The following NCKAP5 variants were observed in gnomAD, a reference collection of about 807,000 sequenced individuals.
NCKAP5 encodes the protein nck-associated protein 5.
NCKAP5 carries 92 observed loss-of-function variants against 167.0 expected under a neutral mutation model. That is an observed-to-expected ratio of 0.55 (90% CI 0.47 to 0.66). NCKAP5 has a LOEUF of 0.66. NCKAP5 is among the 30% of genes least tolerant of loss of function. The pLI is 0.00. For synonymous variants in NCKAP5, 891 were observed against 877.4 expected, an observed-to-expected ratio of 1.02 and a Z score of -0.27; for missense variants, 2,378 against 2,315.0, an observed-to-expected ratio of 1.03 and a Z score of -0.56.
intron 8 of NCKAP5, chr2:132,911,321 C>G (rs936622679): frequency 1.3e-5 from 2 of 152,626 alleles, no homozygotes; most frequent in African/African-American, 4.8e-5. Flanking sequence ...TCCTGATGCT[C>G]TAGCTCAGCC....
intron 6 of NCKAP5, among the ~76,000 whole-genome samples, chr2:133,090,081 C>T (rs2149630245): frequency 6.6e-6 from 1 of 152,036 alleles, no homozygotes; most frequent in South Asian, 2.1e-4. Flanking sequence ...ACATATCTAA[C>T]TCCAGGCCAG....
In NCKAP5 at chr2:133,524,489, G is replaced by C. The variant is rs547776953; in HGVS notation, c.-61-6902C>G. Among the ~76,000 whole-genome samples, 128 of 152,238 alleles carry C rather than the reference G, an allele frequency of 8.4e-4. 1 individual carries two copies. The highest frequency in any genetic ancestry group is 2.9e-3 in the African/African-American group (120 of 41,534). Reference sequence around the variant, plus strand: ...TAGAAATATTAAATCTAGATTCCAAGTTAATGTACGTATATCATAAAACCT... The same window carrying C: ...TAGAAATATTAAATCTAGATTCCAACTTAATGTACGTATATCATAAAACCT... On this transcript the variant is annotated intron_variant, in intron 2 of 19. Coordinates refer to ENST00000409261, the MANE Select transcript of NCKAP5 (RefSeq NM_207363.3).
At chr2:133,025,474 C>T (rs1250612282) in intron 6 of NCKAP5, among the ~76,000 whole-genome samples, 3 of 152,068 alleles carry the variant, frequency 2.0e-5, no homozygotes, top group Admixed American at 6.5e-5. Flanking sequence ...AAAGTATTAC[C>T]GCTTATTTCT....
chr2:133,366,041 G>A (rs1430759150), intron 3 of NCKAP5, among the ~76,000 whole-genome samples: 1 of 152,118 alleles, frequency 6.6e-6, no homozygotes, highest in African/African-American at 2.4e-5. Context: ...CATTTAAAAT[G>A]CACATTAAAA....
intron 8 of NCKAP5, among the ~76,000 whole-genome samples, chr2:132,928,448 CTCTA>C (rs1204796344): frequency 2.6e-5 from 4 of 152,124 alleles, no homozygotes; most frequent in Non-Finnish European, 4.4e-5. Flanking sequence ...CTGTGAAAAA[CTCTA>C]TCTCTTCTTT....
rs145567287 is a variant in NCKAP5 at position 132,719,907 on chromosome 2, T to C, written c.5713+5720A>G. On this transcript the variant is annotated intron_variant, in intron 19 of 19. Transcript: ENST00000409261. The stretch of plus-strand genomic sequence containing the variant: ...CTAGAGGAAAAAAGAGAGGTTTCCA[T>C]TTGGATGTTTCCTCTTGGGGTGTCT... Among the ~76,000 whole-genome samples the C allele has an allele frequency of 6.3e-3, 962 of 152,324 alleles. 12 individuals are homozygous for C. Among genetic ancestry groups the C allele is most frequent in the African/African-American group, 0.022 (897 of 41,562 alleles).
chr2:132,968,868 GA>G (rs2076743501), intron 7 of NCKAP5, among the ~76,000 whole-genome samples: 1 of 151,972 alleles, frequency 6.6e-6, no homozygotes, highest in Admixed American at 6.6e-5. Context: ...TTTCAAGATA[GA>G]AAAAAATGAG....
At chr2:133,374,759 AC>A (rs1393208477) in intron 3 of NCKAP5, among the ~76,000 whole-genome samples, 1 of 152,172 alleles carries the variant, frequency 6.6e-6, no homozygotes, top group African/African-American at 2.4e-5. Context: ...CAAACAGAAA[AC>A]AAGCAAAAAC....
At position 132,963,883 on chromosome 2, in the gene NCKAP5, G is replaced by A; in HGVS notation, c.430-14C>T. 1 of 1,612,900 alleles carries A rather than the reference G, an allele frequency of 6.2e-7. No homozygotes were observed. On this transcript the variant is annotated splice_polypyrimidine_tract_variant and intron_variant, in intron 7 of 19. Coordinates refer to ENST00000409261, the MANE Select transcript of NCKAP5 (RefSeq NM_207363.3). ...TGACAGCTTTTCCTGAAGCAAGAAAGAATTACTGTTTTCAATAATCTCCAG... is the reference window on the plus strand; with the variant it reads ...TGACAGCTTTTCCTGAAGCAAGAAAAAATTACTGTTTTCAATAATCTCCAG...
intron 8 of NCKAP5, among the ~76,000 whole-genome samples, chr2:132,953,497 T>C (rs1479448851): frequency 6.6e-6 from 1 of 152,088 alleles, no homozygotes; most frequent in Non-Finnish European, 1.5e-5. Flanking sequence ...TTTTTAATTA[T>C]TATATTTTTG....
At chr2:133,114,642 C>G (rs79707421) in intron 6 of NCKAP5, among the ~76,000 whole-genome samples, 3 of 152,224 alleles carry the variant, frequency 2.0e-5, no homozygotes, top group South Asian at 2.1e-4. Flanking sequence ...CAATGTCTCA[C>G]GACACTATTC....
chr2:133,614,439 C>T, the NCKAP5 span, among the ~76,000 whole-genome samples: 17 of 151,988 alleles, frequency 1.1e-4, no homozygotes, highest in Admixed American at 3.9e-4. Context: ...ATAACCAATA[C>T]AGAGAAGTGC....
rs1021711773 is a variant in NCKAP5 at position 133,419,529 on chromosome 2, G to A, written c.69+97929C>T. Among the ~76,000 whole-genome samples, 10 of 152,268 alleles carry A rather than the reference G, an allele frequency of 6.6e-5. 1 individual carries two copies. The highest frequency in any genetic ancestry group is 2.4e-4 in the African/African-American group (10 of 41,554). ...ATTATAAGTACATGAGCCTACAGCTGGAGTTCCAATGTTTCCTTCCCTTTT... is the reference window on the plus strand; with the variant it reads ...ATTATAAGTACATGAGCCTACAGCTAGAGTTCCAATGTTTCCTTCCCTTTT... On this transcript the variant is annotated intron_variant, in intron 3 of 19. Coordinates refer to ENST00000409261, the MANE Select transcript of NCKAP5 (RefSeq NM_207363.3).
intron 3 of NCKAP5, among the ~76,000 whole-genome samples, chr2:133,311,908 A>G (rs970619025): frequency 6.6e-6 from 1 of 152,204 alleles, no homozygotes; most frequent in East Asian, 1.9e-4. Context: ...ATTTTATTCT[A>G]TTGGTACTAG....
chr2:132,764,447 A>T (rs1346661830), intron 16 of NCKAP5, among the ~76,000 whole-genome samples: 2 of 152,206 alleles, frequency 1.3e-5, no homozygotes, highest in African/African-American at 4.8e-5. Context: ...AGTTAGTTAT[A>T]AGTGGGTGAA....
intron 3 of NCKAP5, among the ~76,000 whole-genome samples, chr2:133,458,276 G>A (rs145712329): frequency 6.6e-4 from 100 of 152,244 alleles, no homozygotes; most frequent in African/African-American, 2.3e-3. Context: ...ATCATGAAGA[G>A]CATGGGAAAA....
intron 11 of NCKAP5, among the ~76,000 whole-genome samples, chr2:132,802,887 C>T (rs1685148538): frequency 6.6e-6 from 1 of 152,180 alleles, no homozygotes; most frequent in South Asian, 2.1e-4. Flanking sequence ...TTTTCATCAG[C>T]CCCTCCAGAA....
chr2:133,046,350 A>G (rs1169561463), intron 6 of NCKAP5, among the ~76,000 whole-genome samples: 1 of 152,080 alleles, frequency 6.6e-6, no homozygotes, highest in African/African-American at 2.4e-5. Flanking sequence ...TCAAAAGGAG[A>G]GTCCCTCCAA....
chr2:132,724,467 G>A (rs1049622296), intron 19 of NCKAP5, among the ~76,000 whole-genome samples: 2 of 152,054 alleles, frequency 1.3e-5, no homozygotes, highest in African/African-American at 4.8e-5. Flanking sequence ...TGTGGCTGAG[G>A]GTTGGTGAGG....
Sources: gnomAD v4.1 joint callset for allele counts (sites outside exome capture counted in the v4.1 genomes callset) on GRCh38, gnomAD v4.1.1 for gene constraint, MANE v1.5 for transcripts, NCBI Gene and HGNC (gene_info 2026-07-23, HGNC 2026-07-21) for gene names.